Variants in EYS observed in about 807,000 individuals in gnomAD.
EYS encodes EGF-like photoreceptor maintenance factor, also known as protein eyes shut homolog.
In EYS, 250 loss-of-function variants were observed where a neutral mutation model predicts 282.1. That is an observed-to-expected ratio of 0.89 (90% CI 0.80 to 0.98). The LOEUF (loss-of-function observed/expected upper bound fraction) is 0.98, where lower values mean the gene tolerates loss of function less well. Among genes scored for constraint, EYS ranks in the 50% least tolerant of loss-of-function variants. The pLI, the probability that EYS is intolerant of heterozygous loss-of-function variation, is 0.00. For synonymous variants in EYS, 1,355 were observed against 1,282.9 expected (o/e 1.06, Z -1.20); for missense variants, 4,016 against 3,709.0 (o/e 1.08, Z -2.15).
At chr6:64,395,868 C>A (rs903862096) in intron 28 of EYS, among the ~76,000 whole-genome samples, 8 of 151,884 alleles carry the variant, frequency 5.3e-5, no homozygotes, top group Admixed American at 6.6e-5. Flanking sequence ...ACAATCAATG[C>A]CATTCTGTTC....
chr6:64,176,102 T>C (rs1764626002), intron 31 of EYS, among the ~76,000 whole-genome samples: 2 of 152,040 alleles, frequency 1.3e-5, no homozygotes, highest in Admixed American at 1.3e-4. Context: ...ACACAGTCCC[T>C]TGTTGCTGGC....
intron 22 of EYS, among the ~76,000 whole-genome samples, chr6:64,628,859 T>G (rs1202773777): frequency 2.6e-5 from 4 of 152,212 alleles, no homozygotes; most frequent in Non-Finnish European, 4.4e-5. Flanking sequence ...ACAAAAAAGT[T>G]GCAAGGGTAG....
chr6:64,406,792 A>C (rs1312617609), intron 28 of EYS, among the ~76,000 whole-genome samples: 1 of 152,238 alleles, frequency 6.6e-6, no homozygotes, highest in Non-Finnish European at 1.5e-5. Flanking sequence ...ATCATTAACA[A>C]GTCAGGAAAC....
intron 15 of EYS, among the ~76,000 whole-genome samples, chr6:64,928,903 A>AAGATT (rs1415221547): frequency 6.6e-6 from 1 of 152,116 alleles, no homozygotes; most frequent in African/African-American, 2.4e-5. Flanking sequence ...ATAAAATTTA[A>AAGATT]AGATTTTATG....
At chr6:65,111,822 G>T (rs2150189490) in intron 12 of EYS, among the ~76,000 whole-genome samples, 1 of 152,256 alleles carries the variant, frequency 6.6e-6, no homozygotes, top group Non-Finnish European at 1.5e-5. Context: ...ACTCCAGTCT[G>T]GGTGACAAAG....
intron 22 of EYS, among the ~76,000 whole-genome samples, chr6:64,679,541 A>G (rs780001934): frequency 4.6e-5 from 7 of 152,086 alleles, no homozygotes; most frequent in Non-Finnish European, 1.0e-4. Context: ...CATTTTCAGT[A>G]TAGAGTCCTG....
At position 64,036,496 on chromosome 6, in the gene EYS, C is replaced by A. The variant is rs574601474; in HGVS notation, c.6725+29842G>T. On this transcript the variant is annotated intron_variant, in intron 33 of 42. Coordinates refer to ENST00000503581, the MANE Select transcript of EYS (RefSeq NM_001142800.2). ...GTTATTATTCTGGAATAATGTGGAA[C>A]AATTTTAATCTTAATCTTATGGAAG... is the stretch of plus-strand genomic sequence containing the variant. Among the ~76,000 whole-genome samples the A allele has an allele frequency of 2.1e-4, 32 of 152,210 alleles. No individual in the cohort carries two copies. The South Asian group carries it at 5.8e-3, about 28-fold the overall frequency.
intron 26 of EYS, among the ~76,000 whole-genome samples, chr6:64,465,331 C>G (rs948166616): frequency 3.3e-5 from 5 of 152,174 alleles, no homozygotes; most frequent in African/African-American, 1.2e-4. Flanking sequence ...AAGAACAAAG[C>G]TGGAGGCAGC....
At chr6:64,398,687 T>C (rs534870482) in intron 28 of EYS, among the ~76,000 whole-genome samples, 1 of 151,902 alleles carries the variant, frequency 6.6e-6, no homozygotes, top group African/African-American at 2.4e-5. Context: ...CTTGAGAAAA[T>C]ATTTACACAT....
At chr6:64,355,928 C>G (rs561806255) in intron 29 of EYS, among the ~76,000 whole-genome samples, 6 of 151,572 alleles carry the variant, frequency 4.0e-5, no homozygotes, top group Non-Finnish European at 1.5e-5. Context: ...AATATTTGAT[C>G]AGAAACTTTA....
chr6:64,117,960 A>C (rs918996441), intron 31 of EYS, among the ~76,000 whole-genome samples: 1 of 152,044 alleles, frequency 6.6e-6, no homozygotes, highest in Non-Finnish European at 1.5e-5. Context: ...TAGCTATAAA[A>C]ATACCTAAGA....
chr6:65,279,990 C>T (rs963385420), intron 12 of EYS, among the ~76,000 whole-genome samples: 3 of 152,172 alleles, frequency 2.0e-5, no homozygotes, highest in Admixed American at 6.5e-5. Flanking sequence ...AGAGCATTTT[C>T]AGTATCACTT....
chr6:64,388,904 A>C, intron 28 of EYS, 64 bp from the exon 29 acceptor site: 1 of 1,015,606 alleles, frequency 9.8e-7, no homozygotes, highest in Non-Finnish European at 1.4e-6. Context: ...CTGACAAATT[A>C]ATTAAACTAT....
intron 29 of EYS, among the ~76,000 whole-genome samples, chr6:64,369,175 G>C (rs1214652302): frequency 6.6e-6 from 1 of 152,098 alleles, no homozygotes; most frequent in African/African-American, 2.4e-5. Flanking sequence ...TTATCAAATA[G>C]GGAGTCCTTT....
chr6:64,796,251 T>G (rs1341672064), intron 22 of EYS, among the ~76,000 whole-genome samples: 4 of 152,024 alleles, frequency 2.6e-5, no homozygotes, highest in Non-Finnish European at 5.9e-5. Flanking sequence ...CTTTAGTGCC[T>G]CAAATTTATA....
chr6:64,576,569 A>G (rs191203959), intron 26 of EYS, among the ~76,000 whole-genome samples: 21 of 152,236 alleles, frequency 1.4e-4, no homozygotes, highest in Admixed American at 5.9e-4. Context: ...GGTCTTTAGA[A>G]GACTGAAGAA....
chr6:65,150,237 T>C lies in EYS; in HGVS notation c.2024-92510A>G, dbSNP rs143717411. On this transcript the variant is annotated intron_variant, in intron 12 of 42. Transcript: ENST00000503581. Reference sequence around the variant, plus strand: ...TATTATTTCTTTTTATATTATTTTATATTTACTCTTTGTTTTACTTTTTTT... The same window carrying C: ...TATTATTTCTTTTTATATTATTTTACATTTACTCTTTGTTTTACTTTTTTT... Among the ~76,000 whole-genome samples, 286 of 152,214 alleles carry C rather than the reference T, an allele frequency of 1.9e-3. 1 individual carries two copies. Among genetic ancestry groups the C allele is most frequent in the African/African-American group, 6.6e-3 (274 of 41,574 alleles).
At chr6:64,181,807 T>A (rs1027246263) in intron 31 of EYS, among the ~76,000 whole-genome samples, 2 of 152,198 alleles carry the variant, frequency 1.3e-5, no homozygotes, top group Non-Finnish European at 2.9e-5. Flanking sequence ...AAGATTTTTC[T>A]AAGGGTTAGA....
At chr6:64,682,684 T>C (rs1188175724) in intron 22 of EYS, among the ~76,000 whole-genome samples, 2 of 152,122 alleles carry the variant, frequency 1.3e-5, no homozygotes, top group Non-Finnish European at 2.9e-5. Flanking sequence ...GGAGTAGTAT[T>C]GAGAAAGAAG....
Sources: gnomAD v4.1 joint callset for allele counts (sites outside exome capture counted in the v4.1 genomes callset) on GRCh38, gnomAD v4.1.1 for gene constraint, MANE v1.5 for transcripts, NCBI Gene and HGNC (gene_info 2026-07-23, HGNC 2026-07-21) for gene names.